COL17A1: variants seen among roughly 807,000 people sequenced by gnomAD.
COL17A1 encodes collagen type XVII alpha 1 chain.
A neutral mutation model predicts 218.4 loss-of-function variants in COL17A1; 181 were observed. The ratio of observed to expected loss-of-function variants is 0.83; its 90% CI spans 0.73 to 0.94. The LOEUF (loss-of-function observed/expected upper bound fraction) is 0.94. COL17A1 is among the 40% of genes least tolerant of loss of function. COL17A1 has a pLI of 0.00. For missense variants in COL17A1, 1,924 were observed against 1,945.9 expected, an observed-to-expected ratio of 0.99 and a Z score of 0.21; for synonymous variants, 721 against 731.0, an observed-to-expected ratio of 0.99 and a Z score of 0.22.
At chr10:104,073,557 A>C (rs960094897) in intron 6 of COL17A1, among the ~76,000 whole-genome samples, 1 of 152,186 alleles carries the variant, frequency 6.6e-6, no homozygotes, top group Non-Finnish European at 1.5e-5. Context: ...GGCTGACTAC[A>C]CTGATCAAAT....
At position 104,049,458 on chromosome 10, in the gene COL17A1, C is replaced by T. The variant is rs1006992764; in HGVS notation, c.2178G>A (p.Met726Ile). The T allele has an allele frequency of 1.2e-5, 19 of 1,614,118 alleles. No homozygotes were observed. In the African/African-American group the frequency reaches 2.0e-4, roughly 17 times the overall value. ...GPRGLTGEPG[M>I]RGLPGAVGEP... ...CACCAACAGCACCAGGCAAACCTCT[C>T]ATGCCAGGCTCGCCTGCAAAGGACA... The change falls in exon 29 of 56, where the codon ATG becomes ATA. Residue 726 changes from methionine (M) to isoleucine (I), a missense_variant. Coordinates refer to ENST00000648076, the MANE Select transcript of COL17A1 (RefSeq NM_000494.4).
intron 47 of COL17A1, 47 bp from the exon 48 acceptor site, chr10:104,036,679 G>A (rs772731240): frequency 5.6e-6 from 9 of 1,607,820 alleles, no homozygotes; most frequent in South Asian, 2.2e-5. Flanking sequence ...GGCCATGGGG[G>A]TCGCAGCCAT....
intron 28 of COL17A1, among the ~76,000 whole-genome samples, chr10:104,049,813 C>G (rs1395068922): frequency 6.6e-6 from 1 of 152,204 alleles, no homozygotes; most frequent in African/African-American, 2.4e-5. Flanking sequence ...TCGGGAAGAG[C>G]TTAATTTTCT....
chr10:104,050,212 G>A (rs933195580), intron 27 of COL17A1, 88 bp from the exon 28 acceptor site: 32 of 1,584,504 alleles, frequency 2.0e-5, no homozygotes, highest in Non-Finnish European at 2.7e-5. Context: ...CGGCTGCAGG[G>A]TAGTTCTCAC....
At chr10:104,038,220 A>G (rs2086320513) in intron 45 of COL17A1, among the ~76,000 whole-genome samples, 186 bp downstream of exon 45, 1 of 145,092 alleles carries the variant, frequency 6.9e-6, no homozygotes, top group Admixed American at 6.9e-5. Flanking sequence ...GCCTGGACAC[A>G]TAGACACACA....
In COL17A1 at chr10:104,056,096, G is replaced by A. The variant is rs909125211; in HGVS notation, c.1466-93C>T. 9 of 1,473,332 alleles carry A rather than the reference G, an allele frequency of 6.1e-6. No individual in the cohort carries two copies. The African/African-American group carries it at 6.9e-5, about 11-fold the overall frequency. The allele number at this position is 1,473,332 out of a possible 1,614,324, so 91.3% of individuals were successfully genotyped here. A position where few individuals can be genotyped will look rare whatever the true frequency, so the allele number is the denominator to read the frequency against. On this transcript the variant is annotated intron_variant, in intron 17 of 55. Coordinates refer to ENST00000648076, the MANE Select transcript of COL17A1 (RefSeq NM_000494.4). The stretch of plus-strand genomic sequence containing the variant: ...AGTGGAGAGCCTGACACAAGGGATT[G>A]GGGCCTGTGGTGGCTTCTTCATGCT...
At chr10:104,036,181 GAAGT>G (rs374187097) in intron 48 of COL17A1, among the ~76,000 whole-genome samples, 5 of 372 alleles carry the variant, frequency 0.013, no homozygotes, top group East Asian at 0.083. Flanking sequence ...TGTGTGTATG[GAAGT>G]GAGTGTGTGT....
At chr10:104,044,951 A>G (rs1000905280) in intron 33 of COL17A1, among the ~76,000 whole-genome samples, 7 of 152,180 alleles carry the variant, frequency 4.6e-5, no homozygotes, top group African/African-American at 1.7e-4. Flanking sequence ...CCTTGGCCCA[A>G]TCAGTCATTG....
At chr10:104,052,330 C>A in intron 23 of COL17A1, 113 bp from the exon 24 acceptor site, 1 of 1,387,882 alleles carries the variant, frequency 7.2e-7, no homozygotes, top group African/African-American at 1.4e-5. Context: ...GGTCTTGGAT[C>A]CATTTGGTGC....
At chr10:104,036,211 AGTATGG>A (rs2086296605) in intron 48 of COL17A1, among the ~76,000 whole-genome samples, 1 of 12,208 alleles carries the variant, frequency 8.2e-5, no homozygotes, top group Non-Finnish European at 1.9e-4. Flanking sequence ...TGGGAGTGTG[AGTATGG>A]GTGTGTGTGT....
At position 104,037,664 on chromosome 10, in the gene COL17A1, C is replaced by T. The variant is rs149097083; in HGVS notation, c.3180G>A (p.Leu1060=). 4 of 1,614,190 alleles carry T rather than the reference C, an allele frequency of 2.5e-6. No individual in the cohort carries two copies. The highest frequency in any genetic ancestry group is 3.4e-6 in the Non-Finnish European group (4 of 1,180,040). ...ITGETFDYSE[L]ASHVVSYLRT... ...GTAAGTAGCTCACAACGTGGCTTGCCAGCTCTGAGTAGTCGAAAGTCTCGC... is the reference window on the plus strand; with the variant it reads ...GTAAGTAGCTCACAACGTGGCTTGCTAGCTCTGAGTAGTCGAAAGTCTCGC... The change falls in exon 46 of 56, where the codon CTG becomes CTA. Residue 1060 remains leucine (L), a synonymous_variant. Coordinates refer to ENST00000648076, the MANE Select transcript of COL17A1 (RefSeq NM_000494.4).
chr10:104,041,337 G>T lies in COL17A1; in HGVS notation c.2613C>A (p.Ser871=). 1.2e-6 allele frequency: 2 copies of T among 1,610,810 alleles called. No individual in the cohort carries two copies. Among genetic ancestry groups the T allele is most frequent in the Non-Finnish European group, 1.7e-6 (2 of 1,178,628 alleles). Residue 871 remains serine (S), a synonymous_variant, in exon 38 of 56, where the codon TCC becomes TCA. Transcript: ENST00000648076. ...PPGPRGPPGP[S]IPGPPGPRGP... ...CTCGGGGTCCTGGTGGGCCTGGAAT[G>T]GAAGGCCCTGCAGAAGAGAGCAAGG...
chr10:104,072,027 C>G lies in COL17A1; in HGVS notation c.463+5G>C. Reference sequence around the variant, plus strand: ...TTTCTTTTCAGCAAGATCATGACCACTTACATCGGGTGGATGGGGACGCAC... The same window carrying G: ...TTTCTTTTCAGCAAGATCATGACCAGTTACATCGGGTGGATGGGGACGCAC... On this transcript the variant is annotated splice_donor_5th_base_variant and intron_variant, in intron 8 of 55. Transcript: ENST00000648076. 1 of 1,614,158 alleles carries G rather than the reference C, an allele frequency of 6.2e-7. No individual in the cohort carries two copies. The highest frequency in any genetic ancestry group is 1.1e-5 in the South Asian group (1 of 91,074).
intron 48 of COL17A1, among the ~76,000 whole-genome samples, chr10:104,036,279 A>G (rs1361068953): frequency 1.9e-5 from 2 of 104,192 alleles, no homozygotes; most frequent in Non-Finnish European, 3.9e-5. Flanking sequence ...CACACGAGAC[A>G]GTGCCTGAGA....
At chr10:104,049,531 G>C in intron 28 of COL17A1, 60 bp from the exon 29 acceptor site, 1 of 1,559,758 alleles carries the variant, frequency 6.4e-7, no homozygotes, top group South Asian at 1.1e-5. Flanking sequence ...CTTTAACAAT[G>C]GTGGTCTGCT....
rs148868816 is a variant in COL17A1 at position 104,043,505 on chromosome 10, G to A, written c.2511C>T (p.Ala837=). The change falls in exon 35 of 56, where the codon GCC becomes GCT. Residue 837 remains alanine, a synonymous_variant. Transcript: ENST00000648076. ...AAAGCAAGAAAATAGACTGACCTGG[G>A]GCACCTGGAGGTCCTGGGGGTCCCA... ...GAMGPPGPPG[A]PGPAGPAGLP... The A allele has an allele frequency of 5.4e-5, 87 of 1,613,662 alleles. No homozygotes were observed. Among genetic ancestry groups the A allele is most frequent in the Non-Finnish European group, 6.4e-5 (75 of 1,179,948 alleles).
chr10:104,052,552 A>G (rs2134609875), intron 23 of COL17A1, among the ~76,000 whole-genome samples: 1 of 152,208 alleles, frequency 6.6e-6, no homozygotes, highest in East Asian at 1.9e-4. Context: ...TTCCCCTGAC[A>G]AAAGCAGTCT....
chr10:104,037,434 GTC>G (rs1472213261), intron 46 of COL17A1, among the ~76,000 whole-genome samples, 200 bp downstream of exon 46: 1 of 152,192 alleles, frequency 6.6e-6, no homozygotes, highest in African/African-American at 2.4e-5. Context: ...CTCACTCGGT[GTC>G]TCTCCAGCGT....
intron 16 of COL17A1, 143 bp from the exon 17 acceptor site, chr10:104,057,315 G>T: frequency 7.4e-7 from 1 of 1,346,702 alleles, no homozygotes; most frequent in Non-Finnish European, 1.0e-6. Flanking sequence ...CCCAGGACAG[G>T]GCTGGCTCCT....
Sources: allele counts gnomAD v4.1 joint callset (sites outside exome capture counted in the v4.1 genomes callset), GRCh38; gene constraint gnomAD v4.1.1; transcripts MANE v1.5; gene names NCBI Gene and HGNC (gene_info 2026-07-23, HGNC 2026-07-21).